EEFSEC: variants seen among roughly 807,000 people sequenced by gnomAD.
EEFSEC encodes the protein eukaryotic elongation factor, selenocysteine-tRNA specific, also known as selenocysteine-specific elongation factor.
A neutral mutation model predicts 42.1 loss-of-function variants in EEFSEC; 43 were observed. The observed-to-expected ratio is 1.02, with a 90% CI of 0.80 to 1.32. EEFSEC has a LOEUF of 1.32. Ranked by LOEUF, EEFSEC falls within the 40% of genes most tolerant of loss-of-function variation. EEFSEC has a pLI of 0.00. For missense variants in EEFSEC, 745 were observed against 803.6 expected (o/e 0.93, Z 0.88); for synonymous variants, 354 against 339.1 (o/e 1.04, Z -0.48).
At chr3:128,202,417 T>A (rs1275026618) in intron 1 of EEFSEC, among the ~76,000 whole-genome samples, 1 of 152,210 alleles carries the variant, frequency 6.6e-6, no homozygotes, top group Non-Finnish European at 1.5e-5. Context: ...ATTTTATGTA[T>A]TTTGATGCTA....
At chr3:128,175,101 C>G (rs1046874473) in intron 1 of EEFSEC, among the ~76,000 whole-genome samples, 9 of 151,894 alleles carry the variant, frequency 5.9e-5, no homozygotes, top group Admixed American at 1.3e-4. Flanking sequence ...CTCTCCTCCC[C>G]CTCTGCTCTA....
At chr3:128,407,191 A>C (rs1394661547) in intron 6 of EEFSEC, among the ~76,000 whole-genome samples, 1 of 152,208 alleles carries the variant, frequency 6.6e-6, no homozygotes, top group Non-Finnish European at 1.5e-5. Context: ...ATTTCCACTC[A>C]GGTGTTCAGC....
chr3:128,300,173 G>A (rs545835279), intron 4 of EEFSEC, among the ~76,000 whole-genome samples: 12 of 152,314 alleles, frequency 7.9e-5, no homozygotes, highest in Admixed American at 7.2e-4. Context: ...CACCTCCCCA[G>A]CTGCCTTTCT....
intron 5 of EEFSEC, among the ~76,000 whole-genome samples, chr3:128,354,234 G>T (rs76013768): frequency 6.0e-4 from 92 of 152,264 alleles, no homozygotes; most frequent in African/African-American, 2.0e-3. Flanking sequence ...ACAGAAGTTC[G>T]CAGGAGAGTA....
intron 2 of EEFSEC, among the ~76,000 whole-genome samples, chr3:128,248,768 C>T (rs966017376): frequency 3.9e-5 from 6 of 152,036 alleles, no homozygotes; most frequent in Admixed American, 1.3e-4. Context: ...GCTTAGGGTA[C>T]GTTTAAGGGT....
chr3:128,163,885 T>G (rs1471077827), intron 1 of EEFSEC, among the ~76,000 whole-genome samples: 4 of 150,120 alleles, frequency 2.7e-5, no homozygotes, highest in Non-Finnish European at 4.4e-5. Context: ...TCCTCTTGCC[T>G]CAGCCTCCCA....
At chr3:128,220,791 G>A (rs528053016) in intron 1 of EEFSEC, among the ~76,000 whole-genome samples, 3 of 152,208 alleles carry the variant, frequency 2.0e-5, no homozygotes, top group Admixed American at 6.5e-5. Context: ...CCGGCTTCAA[G>A]CCTGTGTTTC....
chr3:128,389,521 C>T (rs2067882762), intron 6 of EEFSEC, among the ~76,000 whole-genome samples: 1 of 152,260 alleles, frequency 6.6e-6, no homozygotes, highest in African/African-American at 2.4e-5. Flanking sequence ...TGGCTATCCC[C>T]CTGGAAGAGG....
chr3:128,246,788 G>T (rs751013917), intron 1 of EEFSEC, 48 bp from the exon 2 acceptor site: 1 of 1,602,974 alleles, frequency 6.2e-7, no homozygotes, highest in South Asian at 1.1e-5. Flanking sequence ...CTTTCTGTGG[G>T]GCTCACCACC....
At chr3:128,264,055 C>T (rs1245882849) in intron 3 of EEFSEC, among the ~76,000 whole-genome samples, 1 of 152,108 alleles carries the variant, frequency 6.6e-6, no homozygotes, top group East Asian at 1.9e-4. Flanking sequence ...GCAGGGGAAA[C>T]GTGGCCATAC....
Position 128,251,634 on chromosome 3 carries a change from C to G in EEFSEC, c.524+4591C>G, listed in dbSNP as rs192601188. Reference sequence around the variant, plus strand: ...CCCATGTAAAAATTTTGTCTGTTTGCCTCTTGCAATTTTAATTTTTTTTTA... The same window carrying G: ...CCCATGTAAAAATTTTGTCTGTTTGGCTCTTGCAATTTTAATTTTTTTTTA... On this transcript the variant is annotated intron_variant, in intron 2 of 6. Coordinates refer to ENST00000254730, the MANE Select transcript of EEFSEC (RefSeq NM_021937.5). 2.3e-3 allele frequency among the ~76,000 whole-genome samples: 345 copies of G among 151,920 alleles called. 1 individual carries two copies. The highest frequency in any genetic ancestry group is 7.6e-3 in the African/African-American group (314 of 41,420).
At chr3:128,246,044 C>T (rs2066123416) in intron 1 of EEFSEC, among the ~76,000 whole-genome samples, 1 of 152,220 alleles carries the variant, frequency 6.6e-6, no homozygotes, top group African/African-American at 2.4e-5. Flanking sequence ...TACGAAGTTA[C>T]ACGCTTCTTG....
chr3:128,389,168 C>T (rs2067878353), intron 6 of EEFSEC, among the ~76,000 whole-genome samples: 1 of 152,206 alleles, frequency 6.6e-6, no homozygotes, highest in Non-Finnish European at 1.5e-5. Context: ...TGCAGCGAGG[C>T]ATCTTAACCC....
chr3:128,154,004 C>CT (rs1944314615), intron 1 of EEFSEC, 181 bp downstream of exon 1: 2 of 804,464 alleles, frequency 2.5e-6, no homozygotes, highest in East Asian at 3.5e-5. Flanking sequence ...TGAGCGGAGG[C>CT]TTTGAGATTC....
chr3:128,210,774 T>G (rs1474151338), intron 1 of EEFSEC, among the ~76,000 whole-genome samples: 1 of 152,242 alleles, frequency 6.6e-6, no homozygotes, highest in East Asian at 1.9e-4. Flanking sequence ...GTGGGAATTT[T>G]GGTATAGAAA....
intron 4 of EEFSEC, among the ~76,000 whole-genome samples, chr3:128,286,995 C>G (rs2107977154): frequency 6.6e-6 from 1 of 152,284 alleles, no homozygotes; most frequent in Non-Finnish European, 1.5e-5. Context: ...GCTCCTGTCA[C>G]CAGCATTCAC....
At chr3:128,329,405 C>G (rs1251334872) in intron 4 of EEFSEC, among the ~76,000 whole-genome samples, 1 of 147,912 alleles carries the variant, frequency 6.8e-6, no homozygotes, top group Admixed American at 6.7e-5. Flanking sequence ...TAGTGCCACC[C>G]AGCCCCACCC....
chr3:128,384,571 C>T (rs1319428038), intron 6 of EEFSEC, among the ~76,000 whole-genome samples: 2 of 152,316 alleles, frequency 1.3e-5, no homozygotes, highest in Middle Eastern at 3.4e-3. Context: ...CCCACATGCA[C>T]GCATGCACAA....
intron 1 of EEFSEC, among the ~76,000 whole-genome samples, chr3:128,170,519 TTGGGATACCAGTTTGGTCTTC>T (rs1387066515): frequency 6.6e-6 from 1 of 152,074 alleles, no homozygotes; most frequent in Non-Finnish European, 1.5e-5. Flanking sequence ...AAAAGCTTTC[TTGGGATACCAGTTTGGTCTTC>T]TGGTGACAGA....
Sources: allele counts gnomAD v4.1 joint callset (sites outside exome capture counted in the v4.1 genomes callset), GRCh38; gene constraint gnomAD v4.1.1; transcripts MANE v1.5; gene names NCBI Gene and HGNC (gene_info 2026-07-23, HGNC 2026-07-21).